The following DMXL1 variants were observed in gnomAD, a reference collection of about 807,000 sequenced individuals.
DMXL1 encodes Dmx like 1.
Under a neutral mutation model 319.2 loss-of-function variants are expected in DMXL1, and 99 were observed. The observed-to-expected ratio is 0.31, with a 90% CI of 0.26 to 0.37. The LOEUF (loss-of-function observed/expected upper bound fraction) is 0.37, where lower values mean the gene tolerates loss of function less well. Among genes scored for constraint, DMXL1 ranks in the 10% least tolerant of loss-of-function variants. DMXL1 has a pLI of 1.00. For missense variants in DMXL1, 3,745 were observed against 3,595.6 expected (o/e 1.04, Z -1.06); for synonymous variants, 1,385 against 1,235.2 (o/e 1.12, Z -2.54).
At chr5:119,080,729 G>C (rs1418809707) in intron 1 of DMXL1, among the ~76,000 whole-genome samples, 1 of 152,102 alleles carries the variant, frequency 6.6e-6, no homozygotes, top group Non-Finnish European at 1.5e-5. Context: ...AGGCAGATTA[G>C]GATAAGGTAT....
chr5:119,231,213 T>C (rs911887085), intron 38 of DMXL1, among the ~76,000 whole-genome samples: 1 of 152,212 alleles, frequency 6.6e-6, no homozygotes, highest in African/African-American at 2.4e-5. Flanking sequence ...AAATTGTCTT[T>C]GGTAAATATA....
At chr5:119,184,215 A>T (rs1351527154) in intron 28 of DMXL1, among the ~76,000 whole-genome samples, 1 of 151,936 alleles carries the variant, frequency 6.6e-6, no homozygotes, top group Non-Finnish European at 1.5e-5. Context: ...GCCATCATTG[A>T]TTAGCCTAGT....
chr5:119,153,521 C>G (rs113322253), intron 19 of DMXL1, among the ~76,000 whole-genome samples: 6,883 of 152,222 alleles, frequency 0.045, 224 homozygotes, highest in South Asian at 0.071. Flanking sequence ...CAGTAGATAT[C>G]AAAAATGTAT....
intron 13 of DMXL1, among the ~76,000 whole-genome samples, chr5:119,136,864 GAAGCCCTCATGGAA>G (rs1766112438): frequency 6.6e-6 from 1 of 152,262 alleles, no homozygotes; most frequent in Non-Finnish European, 1.5e-5. Flanking sequence ...CGGCAGGGGC[GAAGCCCTCATGGAA>G]AACTTCTACT....
chr5:119,164,600 C>G lies in DMXL1; in HGVS notation c.4796C>G (p.Thr1599Ser). The G allele has an allele frequency of 2.5e-6, 4 of 1,614,148 alleles. No individual in the cohort carries two copies. Among genetic ancestry groups the G allele is most frequent in the Non-Finnish European group, 2.5e-6 (3 of 1,180,008 alleles). The part of the protein sequence containing the change: ...MLPAMQKDDP[T>S]WSELRAMGVG... ...CCAGCCATGCAGAAAGATGATCCCA[C>G]TTGGTCTGAACTAAGAGCTATGGGT... Residue 1599 changes from threonine (T) to serine (S), a missense_variant, in exon 20 of 44, where the codon ACT becomes AGT. This residue lies in a region of DMXL1 where 2,096 missense variants were observed against 1,985.4 expected (regional missense o/e 1.06). Coordinates refer to ENST00000539542, the MANE Select transcript of DMXL1 (RefSeq NM_001290321.3).
Position 119,149,161 on chromosome 5 carries a change from G to A in DMXL1, c.3334G>A (p.Val1112Ile). The change falls in exon 18 of 44, where the codon GTT (valine) becomes ATT (isoleucine). Residue 1112 changes from valine to isoleucine, a missense_variant. Val to Ile is a conservative substitution (Grantham distance 29). This residue lies in a region of DMXL1 where 2,096 missense variants were observed against 1,985.4 expected (regional missense o/e 1.06). Transcript: ENST00000539542. The part of the protein sequence containing the change: ...LSTVLDSGIS[V>I]DSNLVAYNKQ... ...CACAGTATTGGATTCTGGCATTAGT[G>A]TTGATAGCAATTTAGTGGCCTATAA... The A allele has an allele frequency of 2.5e-6, 4 of 1,613,824 alleles. No homozygotes were observed. The South Asian group carries it at 3.3e-5, about 13-fold the overall frequency.
At chr5:119,164,278 T>G (rs1772937978) in intron 19 of DMXL1, among the ~76,000 whole-genome samples, 1 of 152,198 alleles carries the variant, frequency 6.6e-6, no homozygotes. Context: ...ATAAGCATTT[T>G]TTCTTTTCCT....
Position 119,196,524 on chromosome 5 carries a change from T to G in DMXL1, c.7543+68T>G, listed in dbSNP as rs543391499. On this transcript the variant is annotated intron_variant, in intron 31 of 43. Coordinates refer to ENST00000539542, the MANE Select transcript of DMXL1 (RefSeq NM_001290321.3). ...GACTTACTACTCTGTTGTTTTTTTT[T>G]TTTTTTTTTTGGTCTGGACTGGGGG... The G allele has an allele frequency of 9.7e-5, 119 of 1,221,202 alleles. 2 individuals are homozygous for G. Among genetic ancestry groups the G allele is most frequent in the Middle Eastern group, 9.7e-4 (5 of 5,162 alleles). 75.6% of individuals were successfully genotyped at this position (1,221,202 alleles called of 1,614,324 possible).
chr5:119,119,079 T>A, intron 8 of DMXL1, 75 bp downstream of exon 8: 1 of 977,822 alleles, frequency 1.0e-6, no homozygotes, highest in Non-Finnish European at 1.5e-6. Flanking sequence ...AACACAGTAA[T>A]GTTATAAAAA....
At position 119,167,770 on chromosome 5, in the gene DMXL1, T is replaced by C; in HGVS notation, c.5304T>C (p.His1768=). 6.2e-7 allele frequency: 1 copy of C among 1,613,672 alleles called. No homozygotes were observed. The highest frequency in any genetic ancestry group is 2.2e-5 in the East Asian group (1 of 44,778). Residue 1768 remains histidine (H), a synonymous_variant, in exon 23 of 44, where the codon CAT becomes CAC. Transcript: ENST00000539542. ...GTTCATTGAACATAAATATGCATCA[T>C]GATCCTTTTCTTCGGAGCATGGCAT... ...ELCSLNINMH[H]DPFLRSMAYW...
At chr5:119,084,345 C>T (rs2149706451) in intron 1 of DMXL1, among the ~76,000 whole-genome samples, 1 of 152,208 alleles carries the variant, frequency 6.6e-6, no homozygotes, top group East Asian at 1.9e-4. Context: ...GTCTCGAACT[C>T]CTGACCTCAA....
chr5:119,167,949 G>T (rs1309141676), intron 23 of DMXL1, 85 bp downstream of exon 23: 16 of 1,298,724 alleles, frequency 1.2e-5, no homozygotes, highest in Non-Finnish European at 1.7e-5. Context: ...GGTGGTAAGG[G>T]TAATACAAAC....
Position 119,166,749 on chromosome 5 carries a change from C to A in DMXL1, c.5104C>A (p.Leu1702Ile), listed in dbSNP as rs1205092367. The change falls in exon 22 of 44, where the codon CTT becomes ATT. Residue 1702 changes from leucine (L) to isoleucine (I), a missense_variant. By Grantham distance (5) the Leu-to-Ile change is conservative. Around this residue, in one of 4 missense-constraint regions of DMXL1, gnomAD observed 1,382 missense variants for 1,269.5 expected, o/e 1.09. Transcript: ENST00000539542. ...QRFEHSAAFF[L>I]LAGCLRDAIE... is the part of the protein sequence containing the mutation. Reference sequence around the variant, plus strand: ...ATTTGAACATTCTGCAGCATTTTTTCTTTTAGCTGGTTGCCTCAGAGATGC... The same window carrying A: ...ATTTGAACATTCTGCAGCATTTTTTATTTTAGCTGGTTGCCTCAGAGATGC... 6 of 1,611,802 alleles carry A rather than the reference C, an allele frequency of 3.7e-6. No individual in the cohort carries two copies. In the South Asian group the frequency reaches 6.6e-5, roughly 18 times the overall value.
intron 10 of DMXL1, among the ~76,000 whole-genome samples, chr5:119,129,865 TAGAG>T (rs1764428201): frequency 2.0e-5 from 3 of 152,176 alleles, no homozygotes; most frequent in Admixed American, 2.0e-4. Context: ...TCAGTTGGTA[TAGAG>T]AGAGAGTTAG....
At chr5:119,156,464 C>CTA (rs1771088455) in intron 19 of DMXL1, among the ~76,000 whole-genome samples, 1 of 152,058 alleles carries the variant, frequency 6.6e-6, no homozygotes, top group Non-Finnish European at 1.5e-5. Flanking sequence ...CAAGGTCTGC[C>CTA]TATATATACG....
rs763955466 is a variant in DMXL1 at position 119,237,360 on chromosome 5, T to C, written c.8505T>C (p.Tyr2835=). The C allele has an allele frequency of 6.2e-7, 1 of 1,604,078 alleles. No homozygotes were observed. Among genetic ancestry groups the C allele is most frequent in the African/African-American group, 1.3e-5 (1 of 74,910 alleles). The change falls in exon 40 of 44, where the codon TAT becomes TAC. Residue 2835 remains tyrosine (Y), a synonymous_variant. Coordinates refer to ENST00000539542, the MANE Select transcript of DMXL1 (RefSeq NM_001290321.3). Reference sequence around the variant, plus strand: ...ATGCTGATGGATATTTAAGTTTGTATCAAACAAACTGGAAATGTTGTCCAG... The same window carrying C: ...ATGCTGATGGATATTTAAGTTTGTACCAAACAAACTGGAAATGTTGTCCAG... ...IVDADGYLSL[Y]QTNWKCCPVT...
At chr5:119,211,969 T>A (rs1782880077) in intron 34 of DMXL1, among the ~76,000 whole-genome samples, 1 of 152,216 alleles carries the variant, frequency 6.6e-6, no homozygotes, top group Non-Finnish European at 1.5e-5. Context: ...TAACTATCTC[T>A]TTCTCCTCCA....
In DMXL1 at chr5:119,170,486, G is replaced by A. The variant is rs1356720852; in HGVS notation, c.5695G>A (p.Asp1899Asn). 6.2e-7 allele frequency: 1 copy of A among 1,613,744 alleles called. No homozygotes were observed. Among genetic ancestry groups the A allele is most frequent in the Non-Finnish European group, 8.5e-7 (1 of 1,179,888 alleles). Residue 1899 changes from aspartate to asparagine, a missense_variant, in exon 24 of 44, where the codon GAT (aspartate) becomes AAT (asparagine). By Grantham distance (23) the Asp-to-Asn change is conservative. Coordinates refer to ENST00000539542, the MANE Select transcript of DMXL1 (RefSeq NM_001290321.3). ...RPFYRASSFL[D>N]TSKDCSPSSP... is the part of the protein sequence containing the mutation. ...TTTTTATAGGGCTTCTAGTTTTCTG[G>A]ATACTAGTAAAGACTGTTCTCCTTC...
At chr5:119,148,587 A>G (rs967935494) in intron 17 of DMXL1, 152 bp from the exon 18 acceptor site, 11 of 684,884 alleles carry the variant, frequency 1.6e-5, no homozygotes, top group African/African-American at 7.2e-5. Flanking sequence ...TAGGCTGTCT[A>G]TTATGCAGTT....
Sources: gnomAD v4.1 joint callset for allele counts (sites outside exome capture counted in the v4.1 genomes callset) on GRCh38, gnomAD v4.1.1 for gene constraint, gnomAD v4.1.1 regional missense constraint, MANE v1.5 for transcripts, NCBI Gene and HGNC (gene_info 2026-07-23, HGNC 2026-07-21) for gene names.